The following TMX2 variants were observed in gnomAD, a reference collection of about 807,000 sequenced individuals.
TMX2 encodes thioredoxin related transmembrane protein 2.
Under a neutral mutation model 33.4 loss-of-function variants are expected in TMX2, and 20 were observed. That is an observed-to-expected ratio of 0.60 (90% confidence interval 0.42 to 0.87). TMX2 has a LOEUF of 0.87. Among genes scored for constraint, TMX2 ranks in the 40% least tolerant of loss-of-function variants. TMX2 has a pLI of 0.00. For synonymous variants in TMX2, 166 were observed against 140.7 expected (o/e 1.18, Z -1.27); for missense variants, 340 against 370.7 (o/e 0.92, Z 0.68).
At chr11:57,718,408 T>G in intron 1 of TMX2, 2 of 1,384,776 alleles carry the variant, frequency 1.4e-6, no homozygotes, top group East Asian at 4.7e-5. Context: ...ATCCTTTTTG[T>G]CCAGTGCTCA....
chr11:57,737,652 GA>G lies in TMX2; in HGVS notation c.236del (p.Lys79ArgfsTer12). 4 of 1,614,102 alleles carry G rather than the reference GA, an allele frequency of 2.5e-6. No individual in the cohort carries two copies. The highest frequency in any genetic ancestry group is 3.4e-6 in the Non-Finnish European group (4 of 1,179,934). On this transcript the variant is annotated frameshift_variant, in exon 2 of 8. Coordinates refer to ENST00000278422, the MANE Select transcript of TMX2 (RefSeq NM_015959.4). LOFTEE classifies it high-confidence loss of function. Reference protein sequence around the residue: ...LMFLSAIVMMKNRRSITVEQH... With the variant: ...LMFLSAIVMMXNRRSITVEQH... ...TGTTTCTCAGTGCCATTGTGATGAT[GA>G]AGAACCGCAGATCCAGTAAGTTTAG... is the stretch of plus-strand genomic sequence containing the variant.
intron 1 of TMX2, among the ~76,000 whole-genome samples, chr11:57,721,361 T>A (rs911608496): frequency 3.3e-5 from 5 of 150,568 alleles, no homozygotes; most frequent in Admixed American, 6.6e-5. Context: ...TTTTTTTTTT[T>A]TTTTGAGATG....
chr11:57,715,586 C>CTTTTCTTTTTT lies in TMX2; in HGVS notation c.189+2783_189+2784insCTTTTTTTTTT, dbSNP rs1555014354. 5.4e-5 allele frequency among the ~76,000 whole-genome samples: 7 copies of CTTTTCTTTTTT among 130,108 alleles called. No individual in the cohort carries two copies. In the South Asian group the frequency reaches 9.7e-4, roughly 18 times the overall value. The allele number at this position is 130,108 out of a possible 152,430, so 85.4% of individuals were successfully genotyped here. Reference sequence around the variant, plus strand: ...TTTATAACCTCTTAGAATTTGTTTTCTTTTTTTTTTCTTTTATTGATCATT... The same window carrying CTTTTCTTTTTT: ...TTTATAACCTCTTAGAATTTGTTTTCTTTTCTTTTTTTTTTTTTTTTCTTTTATTGATCATT... On this transcript the variant is annotated intron_variant, in intron 1 of 7. Coordinates refer to ENST00000278422, the MANE Select transcript of TMX2 (RefSeq NM_015959.4).
intron 1 of TMX2, among the ~76,000 whole-genome samples, chr11:57,716,875 T>TG (rs1947133717): frequency 6.8e-6 from 1 of 146,340 alleles, no homozygotes. Flanking sequence ...ACGGGGCGGC[T>TG]GCCGGGCGGA....
chr11:57,740,112 G>T lies in TMX2; in HGVS notation c.758G>T (p.Arg253Leu), dbSNP rs756199795. The T allele has an allele frequency of 6.2e-7, 1 of 1,613,920 alleles. No individual in the cohort carries two copies. Among genetic ancestry groups the T allele is most frequent in the Admixed American group, 1.7e-5 (1 of 60,010 alleles). Residue 253 changes from arginine to leucine, a missense_variant, in exon 8 of 8, where the codon CGA becomes CTA. Around this residue, in one of 3 missense-constraint regions of TMX2, gnomAD observed 209 missense variants for 241.6 expected, o/e 0.87. Coordinates refer to ENST00000278422, the MANE Select transcript of TMX2 (RefSeq NM_015959.4). ...TCTTTTGTGCAGGAGAATGTGATCC[G>T]AGAATTTAACTTAAATGAGCTATAC... ...SWTFSEENVI[R>L]EFNLNELYQR...
chr11:57,730,141 A>T (rs1049285750), intron 1 of TMX2, among the ~76,000 whole-genome samples: 1 of 142,712 alleles, frequency 7.0e-6, no homozygotes, highest in African/African-American at 2.6e-5. Flanking sequence ...ATATATATGC[A>T]TGTGGTGGCC....
intron 7 of TMX2, among the ~76,000 whole-genome samples, chr11:57,739,589 G>A (rs1948964737): frequency 6.6e-6 from 1 of 152,072 alleles, no homozygotes; most frequent in African/African-American, 2.4e-5. Context: ...GAAACCCCGT[G>A]TCTACTAAAA....
At chr11:57,719,033 A>AT (rs1191976911) in intron 1 of TMX2, among the ~76,000 whole-genome samples, 2,794 of 70,596 alleles carry the variant, frequency 0.04, 87 homozygotes, top group South Asian at 0.08. Flanking sequence ...ATATATATAT[A>AT]TTTTTTTTTT....
chr11:57,726,948 G>A (rs753146018), intron 1 of TMX2, among the ~76,000 whole-genome samples: 4 of 152,174 alleles, frequency 2.6e-5, no homozygotes, highest in Admixed American at 6.5e-5. Context: ...AAGAATAGAT[G>A]ATGCATGCAG....
At chr11:57,718,687 A>C (rs1357018678) in intron 1 of TMX2, among the ~76,000 whole-genome samples, 4 of 116,860 alleles carry the variant, frequency 3.4e-5, no homozygotes, top group Admixed American at 1.1e-4. Context: ...ATGGAGTCTC[A>C]CTCTGTTGCC....
At chr11:57,719,419 C>CAAAAATTATG (rs1947425592) in intron 1 of TMX2, among the ~76,000 whole-genome samples, 5 of 150,728 alleles carry the variant, frequency 3.3e-5, no homozygotes, top group Non-Finnish European at 7.4e-5. Flanking sequence ...CTGAAACCCC[C>CAAAAATTATG]TTTAAAAAAA....
At chr11:57,720,676 G>A (rs1447503421) in intron 1 of TMX2, among the ~76,000 whole-genome samples, 2 of 152,248 alleles carry the variant, frequency 1.3e-5, no homozygotes, top group Non-Finnish European at 2.9e-5. Context: ...GGGATTACAG[G>A]CGTGAGCCAT....
At chr11:57,730,878 G>A (rs1024837105) in intron 1 of TMX2, among the ~76,000 whole-genome samples, 8 of 152,150 alleles carry the variant, frequency 5.3e-5, no homozygotes, top group Non-Finnish European at 1.2e-4. Flanking sequence ...AATACGGTTA[G>A]TAAGAAGGAA....
At chr11:57,740,064 A>G in intron 7 of TMX2, 35 bp from the exon 8 acceptor site, 1 of 1,613,362 alleles carries the variant, frequency 6.2e-7, no homozygotes, top group East Asian at 2.2e-5. Context: ...CTCCCTTCCA[A>G]CCCAGATCCT....
chr11:57,740,374 C>T lies in TMX2; in HGVS notation c.*129C>T. ...GACTGGGTGGGGCAGCATGCAGCTT[C>T]TGATTTTAAAGAGGCATCTAGGGAA... On this transcript the variant is annotated 3_prime_UTR_variant, in exon 8 of 8. Coordinates refer to ENST00000278422, the MANE Select transcript of TMX2 (RefSeq NM_015959.4). The T allele has an allele frequency of 8.4e-7, 1 of 1,196,998 alleles. No individual in the cohort carries two copies. Among genetic ancestry groups the T allele is most frequent in the Non-Finnish European group, 1.1e-6 (1 of 892,234 alleles). 74.1% of individuals were successfully genotyped at this position (1,196,998 alleles called of 1,614,324 possible). A position where few individuals can be genotyped will look rare whatever the true frequency, so the allele number is the denominator to read the frequency against.
chr11:57,713,366 C>T (rs970666150), intron 1 of TMX2, among the ~76,000 whole-genome samples: 1 of 152,158 alleles, frequency 6.6e-6, no homozygotes, highest in Non-Finnish European at 1.5e-5. Flanking sequence ...ACTCTAGGCA[C>T]TCTGCTTGAT....
intron 1 of TMX2, 57 bp from the exon 2 acceptor site, chr11:57,737,551 C>T: frequency 6.8e-7 from 1 of 1,461,224 alleles, no homozygotes. Context: ...TTCCCTTTCC[C>T]ACCTAAGTTA....
chr11:57,719,495 A>C (rs1947430999), intron 1 of TMX2, among the ~76,000 whole-genome samples: 1 of 148,754 alleles, frequency 6.7e-6, no homozygotes, highest in Non-Finnish European at 1.5e-5. Flanking sequence ...GAAAAATGTA[A>C]AATTTCTTTT....
intron 1 of TMX2, among the ~76,000 whole-genome samples, chr11:57,716,548 G>C (rs1947068170): frequency 7.8e-6 from 1 of 127,924 alleles, no homozygotes; most frequent in Non-Finnish European, 1.7e-5. Flanking sequence ...TCCCGGACGG[G>C]GCGGCTGGCC....
Sources: allele counts gnomAD v4.1 joint callset (sites outside exome capture counted in the v4.1 genomes callset), GRCh38; gene constraint gnomAD v4.1.1; regional missense constraint gnomAD v4.1.1; transcripts MANE v1.5; gene names NCBI Gene and HGNC (gene_info 2026-07-23, HGNC 2026-07-21).